Variants in ZNF668 observed in about 807,000 individuals in gnomAD.
The protein encoded by ZNF668 is zinc finger protein 668.
In ZNF668, 10 loss-of-function variants were observed where a neutral mutation model predicts 40.3. The ratio of observed to expected loss-of-function variants is 0.25; its 90% CI spans 0.15 to 0.42. The LOEUF (loss-of-function observed/expected upper bound fraction) is 0.42, where lower values mean the gene tolerates loss of function less well. Among genes scored for constraint, ZNF668 ranks in the 10% least tolerant of loss-of-function variants. ZNF668 has a pLI of 1.00. For synonymous variants in ZNF668, 428 were observed against 384.6 expected (o/e 1.11, Z -1.32); for missense variants, 749 against 904.6 (o/e 0.83, Z 2.21).
At position 31,061,475 on chromosome 16, in the gene ZNF668, C is replaced by T; in HGVS notation, c.1453G>A (p.Glu485Lys). Residue 485 changes from glutamate to lysine, a missense_variant, in exon 3 of 3, where the codon GAA becomes AAA. Glu to Lys is a moderately conservative substitution (Grantham distance 56). Transcript: ENST00000300849. The surrounding 1 kb of genome is among the most constrained non-coding windows in gnomAD (Gnocchi z 7.7). Reference protein sequence around the residue: ...QVVGMTVEHVECQDAGVREAP... With the variant: ...QVVGMTVEHVKCQDAGVREAP... ...TCCCGGACACCAGCATCTTGGCATTCCACATGCTCCACCGTCATGCCCACC... is the reference window on the plus strand; with the variant it reads ...TCCCGGACACCAGCATCTTGGCATTTCACATGCTCCACCGTCATGCCCACC... 6.2e-7 allele frequency: 1 copy of T among 1,613,582 alleles called. No individual in the cohort carries two copies. The highest frequency in any genetic ancestry group is 8.5e-7 in the Non-Finnish European group (1 of 1,179,988).
intron 1 of ZNF668, among the ~76,000 whole-genome samples, chr16:31,070,871 T>C (rs1243329472): frequency 6.6e-6 from 1 of 151,252 alleles, no homozygotes; most frequent in Admixed American, 6.6e-5. Flanking sequence ...TTTATTGTTA[T>C]TATTATTTGA....
rs745794207 is a variant in ZNF668, at chr16:31,064,223, G to T, written c.237C>A (p.Ala79=). The T allele has an allele frequency of 6.2e-7, 1 of 1,613,212 alleles. No homozygotes were observed. ...GCGGACACGCATAGGGCCTAGGCTT[G>T]GCCGCGGAGCCTGACACCTTCTCCC... The part of the protein sequence containing the change: ...ASGEKVSGSA[A]KPRPYACPLC... Residue 79 remains alanine, a synonymous_variant, in exon 2 of 3, where the codon GCC becomes GCA. Coordinates refer to ENST00000300849, the MANE Select transcript of ZNF668 (RefSeq NM_024706.5).
intron 1 of ZNF668, among the ~76,000 whole-genome samples, chr16:31,071,323 C>T (rs936024003): frequency 6.6e-6 from 1 of 152,054 alleles, no homozygotes; most frequent in African/African-American, 2.4e-5. Flanking sequence ...AAAGCCATCA[C>T]ACCTGGCAAA....
Position 31,070,697 on chromosome 16 carries a change from C to T in ZNF668, c.-23+2962G>A, listed in dbSNP as rs189453798. Among the ~76,000 whole-genome samples the T allele has an allele frequency of 6.7e-3, 1,016 of 150,902 alleles. 19 individuals carry two copies. Among genetic ancestry groups the T allele is most frequent in the African/African-American group, 0.023 (958 of 41,084 alleles). On this transcript the variant is annotated intron_variant, in intron 1 of 2. Coordinates refer to ENST00000300849, the MANE Select transcript of ZNF668 (RefSeq NM_024706.5). ...CTGGAATTACAGGCATCCACCACCA[C>T]GCCTGGTTAATTTTTTGTATTTTTA...
intron 1 of ZNF668, among the ~76,000 whole-genome samples, chr16:31,068,203 G>C (rs1322084684): frequency 1.9e-5 from 2 of 107,710 alleles, no homozygotes; most frequent in African/African-American, 7.2e-5. Flanking sequence ...CTAGGTCTCT[G>C]TCTAACATCC....
At chr16:31,067,611 A>G (rs187352300) in intron 1 of ZNF668, among the ~76,000 whole-genome samples, 3 of 152,332 alleles carry the variant, frequency 2.0e-5, no homozygotes, top group Admixed American at 1.3e-4. Context: ...ACTGTCCTCA[A>G]TTATCAAAGC....
Position 31,061,600 on chromosome 16 carries a change from G to A in ZNF668, c.1328C>T (p.Ser443Leu). Residue 443 changes from serine to leucine, a missense_variant, in exon 3 of 3, where the codon TCA becomes TTA. Around this residue, in one of 4 missense-constraint regions of ZNF668, gnomAD observed 310 missense variants for 355.1 expected, o/e 0.87. Transcript: ENST00000300849. This position sits in a 1 kb window ranked among gnomAD's most constrained non-coding sequence, Gnocchi z 7.7. The stretch of plus-strand genomic sequence containing the variant: ...CCCCGCCCCTGCTGCCGGGGCGGCT[G>A]AACTCTCACCTGCCACGCCCACAGG... ...ALPVGVAGES[S>L]AAPAAGAGLG... The A allele has an allele frequency of 5.0e-6, 8 of 1,609,582 alleles. No homozygotes were observed. Among genetic ancestry groups the A allele is most frequent in the Non-Finnish European group, 5.9e-6 (7 of 1,179,780 alleles).
At chr16:31,064,997 C>T in intron 1 of ZNF668, 1 of 1,192,354 alleles carries the variant, frequency 8.4e-7, no homozygotes, top group Non-Finnish European at 1.0e-6. Context: ...TTTCTTTCCT[C>T]CTCTGGATGG....
At chr16:31,073,404 A>G (rs866173682) in intron 1 of ZNF668, 103 of 152,018 alleles carry the variant, frequency 6.8e-4, no homozygotes, top group African/African-American at 2.2e-3. Context: ...CCGGGACCAC[A>G]CCGCGCCGGG....
At chr16:31,073,243 G>A (rs570133985) in intron 1 of ZNF668, 1 of 152,550 alleles carries the variant, frequency 6.6e-6, no homozygotes, top group South Asian at 2.1e-4. Context: ...AAGGCCGAAT[G>A]AGGGACAAAG....
rs2056939995 is a variant in ZNF668 at position 31,062,543 on chromosome 16, G to A, written c.648-263C>T. The A allele has an allele frequency of 3.7e-5, 16 of 436,624 alleles. No homozygotes were observed. In the Admixed American group the frequency reaches 5.7e-4, roughly 16 times the overall value. The allele number at this position is 436,624 out of a possible 1,614,324, so 27.0% of individuals were successfully genotyped here. On this transcript the variant is annotated intron_variant, in intron 2 of 2. Transcript: ENST00000300849. ...CGCCTGTAATTCCAGCACTTTGGGA[G>A]GCCGAGGTCAGGAGATCGAGACCAT...
rs553391929 is a variant in ZNF668 at position 31,061,234 on chromosome 16, G to A, written c.1694C>T (p.Thr565Ile). 6.5e-7 allele frequency: 1 copy of A among 1,534,596 alleles called. No individual in the cohort carries two copies. The highest frequency in any genetic ancestry group is 8.8e-7 in the Non-Finnish European group (1 of 1,142,184). ...GGTGTAGGGGCGCACTGAGCTGTGA[G>A]TGCGGCTGTGTTTGCGCAGCCCAGC... ...DRAGLRKHSR[T>I]HSSVRPYTCP... is the part of the protein sequence containing the mutation. Residue 565 changes from threonine to isoleucine, a missense_variant, in exon 3 of 3, where the codon ACT (threonine) becomes ATT (isoleucine). Thr to Ile is a moderately conservative substitution (Grantham distance 89). Transcript: ENST00000300849. This position sits in a 1 kb window ranked among gnomAD's most constrained non-coding sequence, Gnocchi z 7.7.
intron 1 of ZNF668, among the ~76,000 whole-genome samples, chr16:31,066,618 G>A (rs557814458): frequency 1.3e-4 from 20 of 152,252 alleles, no homozygotes; most frequent in Admixed American, 1.2e-3. Flanking sequence ...TACTTGAGAG[G>A]CTGGGGTGGG....
chr16:31,061,392 C>T lies in ZNF668; in HGVS notation c.1536G>A (p.Lys512=). ...ACTCTCGGCACACAAACTGGGGGGG[C>T]TTCTCGTCAGCCTCCTCACCCCCCG... is the stretch of plus-strand genomic sequence containing the variant. ...GEAGGEEADE[K]PPQFVCRECK... The change falls in exon 3 of 3, where the codon AAG becomes AAA. Residue 512 remains lysine, a synonymous_variant. Coordinates refer to ENST00000300849, the MANE Select transcript of ZNF668 (RefSeq NM_024706.5). This position sits in a 1 kb window ranked among gnomAD's most constrained non-coding sequence, Gnocchi z 7.7. 6.2e-7 allele frequency: 1 copy of T among 1,613,770 alleles called. No individual in the cohort carries two copies. Among genetic ancestry groups the T allele is most frequent in the Non-Finnish European group, 8.5e-7 (1 of 1,179,874 alleles).
At chr16:31,073,306 AG>A in intron 1 of ZNF668, 1 of 152,586 alleles carries the variant, frequency 6.6e-6, no homozygotes, top group Admixed American at 6.5e-5. Context: ...GGGCCTCAGC[AG>A]GGGAGGGGGC....
Position 31,064,434 on chromosome 16 carries a change from C to G in ZNF668, c.26G>C (p.Arg9Pro), listed in dbSNP as rs754920170. 2 of 1,611,654 alleles carry G rather than the reference C, an allele frequency of 1.2e-6. No homozygotes were observed. Among genetic ancestry groups the G allele is most frequent in the Non-Finnish European group, 1.7e-6 (2 of 1,179,872 alleles). The change falls in exon 2 of 3, where the codon CGG becomes CCG. Residue 9 changes from arginine (R) to proline (P), a missense_variant. Around this residue, in one of 4 missense-constraint regions of ZNF668, gnomAD observed 159 missense variants for 139.8 expected, o/e 1.14. Coordinates refer to ENST00000300849, the MANE Select transcript of ZNF668 (RefSeq NM_024706.5). MEVEAAEA[R>P]SPAPGYKRSG... ...GCGCTTGTAGCCGGGGGCTGGGGAC[C>G]GGGCCTCTGCAGCCTCCACTTCCAT... is the stretch of plus-strand genomic sequence containing the variant.
In ZNF668 at chr16:31,064,028, G is replaced by A; in HGVS notation, c.432C>T (p.His144=). 3 of 1,605,592 alleles carry A rather than the reference G, an allele frequency of 1.9e-6. No individual in the cohort carries two copies. Among genetic ancestry groups the A allele is most frequent in the Non-Finnish European group, 2.6e-6 (3 of 1,174,326 alleles). The change falls in exon 2 of 3, where the codon CAC becomes CAT. Residue 144 remains histidine, a synonymous_variant. Coordinates refer to ENST00000300849, the MANE Select transcript of ZNF668 (RefSeq NM_024706.5). ...AGAGCGCGCCATAGGCCTTCGGGCA[G>A]TGCGCACAGCGGAAGGGCAGTTCGC... ...HAGELPFRCA[H]CPKAYGALSK...
intron 2 of ZNF668, among the ~76,000 whole-genome samples, chr16:31,062,964 C>T (rs1753245749): frequency 6.9e-6 from 1 of 145,816 alleles, no homozygotes; most frequent in African/African-American, 2.6e-5. Context: ...CATGGTGGCG[C>T]ATGCCTGTAA....
Position 31,061,213 on chromosome 16 carries a change from T to C in ZNF668, c.1715A>G (p.Tyr572Cys), listed in dbSNP as rs2056919334. 3.3e-6 allele frequency: 5 copies of C among 1,526,292 alleles called. No homozygotes were observed. The South Asian group carries it at 5.2e-5, about 16-fold the overall frequency. The allele number at this position is 1,526,292 out of a possible 1,614,324, so 94.5% of individuals were successfully genotyped here. A position where few individuals can be genotyped will look rare whatever the true frequency, so the allele number is the denominator to read the frequency against. Residue 572 changes from tyrosine (Y) to cysteine (C), a missense_variant, in exon 3 of 3, where the codon TAC becomes TGC. Coordinates refer to ENST00000300849, the MANE Select transcript of ZNF668 (RefSeq NM_024706.5). This position sits in a 1 kb window ranked among gnomAD's most constrained non-coding sequence, Gnocchi z 7.7. The part of the protein sequence containing the change: ...HSRTHSSVRP[Y>C]TCPHCPKAFL... ...GGCCTTGGGACAATGGGGGCAGGTG[T>C]AGGGGCGCACTGAGCTGTGAGTGCG... is the stretch of plus-strand genomic sequence containing the variant.
Sources: gnomAD v4.1 joint callset for allele counts (sites outside exome capture counted in the v4.1 genomes callset) on GRCh38, gnomAD v4.1.1 for gene constraint, gnomAD v4.1.1 regional missense constraint, Gnocchi (gnomAD v3.1) non-coding constraint, MANE v1.5 for transcripts, NCBI Gene and HGNC (gene_info 2026-07-23, HGNC 2026-07-21) for gene names.